GFPT2: variants seen among roughly 807,000 people sequenced by gnomAD.
GFPT2 encodes the protein glutamine--fructose-6-phosphate aminotransferase [isomerizing] 2.
GFPT2 carries 62 observed loss-of-function variants against 85.6 expected under a neutral mutation model. That is an observed-to-expected ratio of 0.72 (90% CI 0.59 to 0.90). The LOEUF (loss-of-function observed/expected upper bound fraction) is 0.90, where lower values mean the gene tolerates loss of function less well. Ranked by LOEUF, GFPT2 falls within the 40% of genes least tolerant of loss-of-function variation. The probability of loss-of-function intolerance (pLI) is 0.00; values close to 1 mark genes in which losing one functional copy is unlikely to be tolerated. For synonymous variants in GFPT2, 368 were observed against 344.5 expected (o/e 1.07, Z -0.75); for missense variants, 788 against 893.4 (o/e 0.88, Z 1.50).
At chr5:180,336,919 C>T (rs530671744) in intron 2 of GFPT2, among the ~76,000 whole-genome samples, 2 of 152,262 alleles carry the variant, frequency 1.3e-5, no homozygotes, top group South Asian at 2.1e-4. Context: ...AAGGGCTCCT[C>T]GCATTGTGAT....
intron 12 of GFPT2, 56 bp from the exon 13 acceptor site, chr5:180,316,517 A>T (rs1764013450): frequency 6.2e-7 from 1 of 1,602,522 alleles, no homozygotes; most frequent in African/African-American, 1.3e-5. Flanking sequence ...CGACAGGGAC[A>T]TGGGGCAGCT....
Position 180,318,224 on chromosome 5 carries a change from C to T in GFPT2, c.958+569G>A, listed in dbSNP as rs1331815536. On this transcript the variant is annotated intron_variant, in intron 10 of 18. Coordinates refer to ENST00000253778, the MANE Select transcript of GFPT2 (RefSeq NM_005110.4). This position sits in a 1 kb window ranked among gnomAD's most constrained non-coding sequence, Gnocchi z 4.2. ...AGTGTGGTGGGGCCAGGCTTTGGCCCCACTGGGGTGTGGGGTTTGTGGGCT... is the reference window on the plus strand; with the variant it reads ...AGTGTGGTGGGGCCAGGCTTTGGCCTCACTGGGGTGTGGGGTTTGTGGGCT... 1.3e-5 allele frequency among the ~76,000 whole-genome samples: 2 copies of T among 151,954 alleles called. No individual in the cohort carries two copies. Among genetic ancestry groups the T allele is most frequent in the Non-Finnish European group, 2.9e-5 (2 of 67,982 alleles).
In GFPT2 at chr5:180,318,851, A is replaced by G. The variant is rs778489438; in HGVS notation, c.900T>C (p.Ser300=). 1.2e-6 allele frequency: 2 copies of G among 1,614,030 alleles called. No individual in the cohort carries two copies. The highest frequency in any genetic ancestry group is 4.5e-5 in the East Asian group (2 of 44,892). The change falls in exon 10 of 19, where the codon AGT becomes AGC. Residue 300 remains serine, a synonymous_variant. Transcript: ENST00000253778. This position sits in a 1 kb window ranked among gnomAD's most constrained non-coding sequence, Gnocchi z 4.2. ...LSIHRVKRSA[S]DDPSRAIQTL... ...TCTGGATGGCTCGAGATGGGTCATC[A>G]CTGGCCGAGCGCTTGACCCGGTGAA...
chr5:180,341,298 A>T (rs750884606), intron 1 of GFPT2, among the ~76,000 whole-genome samples: 1 of 152,244 alleles, frequency 6.6e-6, no homozygotes, highest in Non-Finnish European at 1.5e-5. Flanking sequence ...TGAACCTCAG[A>T]GAGGACAACC....
intron 4 of GFPT2, 44 bp from the exon 5 acceptor site, chr5:180,331,597 C>T (rs774470344): frequency 4.4e-5 from 49 of 1,121,578 alleles, no homozygotes; most frequent in Non-Finnish European, 6.3e-5. Flanking sequence ...GAAGGAGGTT[C>T]ATGTCAGATG....
intron 13 of GFPT2, among the ~76,000 whole-genome samples, chr5:180,314,902 C>T (rs1408390624): frequency 6.6e-6 from 1 of 152,222 alleles, no homozygotes; most frequent in Non-Finnish European, 1.5e-5. Context: ...AGCTCCACCT[C>T]TGTTCTTTTG....
Position 180,302,487 on chromosome 5 carries a change from C to T in GFPT2, c.1940G>A (p.Gly647Asp). The T allele has an allele frequency of 1.9e-6, 3 of 1,614,006 alleles. No individual in the cohort carries two copies. The highest frequency in any genetic ancestry group is 1.6e-4 in the Middle Eastern group (1 of 6,062). ...CTGCAGCGGAATCACGCTCAGGATG[C>T]CCTGGAGGCAGTCCACAGTGTGGGG... Reference protein sequence around the residue: ...ELPHTVDCLQGILSVIPLQLL... With the variant: ...ELPHTVDCLQDILSVIPLQLL... The change falls in exon 18 of 19, where the codon GGC becomes GAC. Residue 647 changes from glycine to aspartate, a missense_variant. Gly to Asp is a moderately conservative substitution (Grantham distance 94). Transcript: ENST00000253778.
intron 17 of GFPT2, among the ~76,000 whole-genome samples, chr5:180,302,965 C>T (rs188353339): frequency 6.6e-6 from 1 of 152,086 alleles, no homozygotes; most frequent in Admixed American, 6.6e-5. Flanking sequence ...CGTGGTGGCT[C>T]ACGCCTGTAA....
At chr5:180,305,190 G>A (rs777948336) in intron 16 of GFPT2, among the ~76,000 whole-genome samples, 6 of 152,070 alleles carry the variant, frequency 3.9e-5, no homozygotes, top group Admixed American at 6.6e-5. Flanking sequence ...CACCAGCCCC[G>A]GGCACTGCTG....
intron 7 of GFPT2, among the ~76,000 whole-genome samples, chr5:180,327,570 C>T (rs1036732535): frequency 6.6e-6 from 1 of 152,222 alleles, no homozygotes; most frequent in Non-Finnish European, 1.5e-5. Context: ...CTTCTCTGCC[C>T]TCCTGTACAA....
At chr5:180,310,458 T>A (rs1763857500) in intron 15 of GFPT2, among the ~76,000 whole-genome samples, 1 of 150,654 alleles carries the variant, frequency 6.6e-6, no homozygotes, top group Non-Finnish European at 1.5e-5. Flanking sequence ...TTGCCCAGGC[T>A]GGAGTGCAGT....
intron 2 of GFPT2, 113 bp from the exon 3 acceptor site, chr5:180,336,690 G>A (rs1459716967): frequency 3.9e-6 from 3 of 762,290 alleles, no homozygotes; most frequent in Middle Eastern, 2.3e-4. Context: ...TTTATGGCAG[G>A]TTGGAGAGCT....
At chr5:180,344,266 A>C (rs1206686894) in intron 1 of GFPT2, among the ~76,000 whole-genome samples, 1 of 152,230 alleles carries the variant, frequency 6.6e-6, no homozygotes, top group Non-Finnish European at 1.5e-5. Context: ...CACCACGCCC[A>C]GAGGGCAGTC....
At chr5:180,324,088 C>T (rs754998374) in intron 9 of GFPT2, 100 bp downstream of exon 9, 21 of 757,506 alleles carry the variant, frequency 2.8e-5, no homozygotes, top group Non-Finnish European at 4.4e-5. Context: ...TGCTGAGCCA[C>T]GATAGCTCAC....
At position 180,318,648 on chromosome 5, in the gene GFPT2, G is replaced by T; in HGVS notation, c.958+145C>A. 1 of 688,996 alleles carries T rather than the reference G, an allele frequency of 1.5e-6. No individual in the cohort carries two copies. The highest frequency in any genetic ancestry group is 2.5e-6 in the Non-Finnish European group (1 of 404,062). 42.7% of individuals were successfully genotyped at this position (688,996 alleles called of 1,614,324 possible). A position where few individuals can be genotyped will look rare whatever the true frequency, so the allele number is the denominator to read the frequency against. ...TCCCCACATCCCCTCACCTGTGCAAGCCACAGGCTACCTGCAGCCCCGCCC... is the reference window on the plus strand; with the variant it reads ...TCCCCACATCCCCTCACCTGTGCAATCCACAGGCTACCTGCAGCCCCGCCC... On this transcript the variant is annotated intron_variant, in intron 10 of 18. Transcript: ENST00000253778. This position sits in a 1 kb window ranked among gnomAD's most constrained non-coding sequence, Gnocchi z 4.2.
rs916618381 is a variant in GFPT2, at chr5:180,328,573, C to G, written c.535-235G>C. On this transcript the variant is annotated intron_variant, in intron 6 of 18. Coordinates refer to ENST00000253778, the MANE Select transcript of GFPT2 (RefSeq NM_005110.4). This position sits in a 1 kb window ranked among gnomAD's most constrained non-coding sequence, Gnocchi z 5.4. ...TGTGAATTCCACGGTGAGCGATGTGCGGCTTGCCCAGGCCCACAGGGAGCC... is the reference window on the plus strand; with the variant it reads ...TGTGAATTCCACGGTGAGCGATGTGGGGCTTGCCCAGGCCCACAGGGAGCC... 6.6e-6 allele frequency among the ~76,000 whole-genome samples: 1 copy of G among 152,226 alleles called. No individual in the cohort carries two copies. Among genetic ancestry groups the G allele is most frequent in the Non-Finnish European group, 1.5e-5 (1 of 68,042 alleles).
intron 4 of GFPT2, among the ~76,000 whole-genome samples, chr5:180,332,557 A>C (rs534331914): frequency 1.2e-4 from 19 of 152,170 alleles, no homozygotes; most frequent in African/African-American, 4.6e-4. Flanking sequence ...TATTATTTTG[A>C]GACAGAATCT....
rs754184207 is a variant in GFPT2, at chr5:180,335,874, G to A, written c.294C>T (p.Val98=). 3 of 1,588,042 alleles carry A rather than the reference G, an allele frequency of 1.9e-6. No homozygotes were observed. Among genetic ancestry groups the A allele is most frequent in the South Asian group, 2.3e-5 (2 of 87,310 alleles). ...GAGGGTGGCTGTTGACAGCACTGGGGACCCCGTGGGTGGCCCAGCGCGTGT... is the reference window on the plus strand; with the variant it reads ...GAGGGTGGCTGTTGACAGCACTGGGAACCCCGTGGGTGGCCCAGCGCGTGT... ...IAHTRWATHG[V]PSAVNSHPQR... is the part of the protein sequence containing the mutation. The change falls in exon 4 of 19, where the codon GTC becomes GTT. Residue 98 remains valine, a synonymous_variant. Coordinates refer to ENST00000253778, the MANE Select transcript of GFPT2 (RefSeq NM_005110.4).
chr5:180,318,980 A>G lies in GFPT2; in HGVS notation c.795-24T>C, dbSNP rs1026368649. 1 of 1,608,394 alleles carries G rather than the reference A, an allele frequency of 6.2e-7. No individual in the cohort carries two copies. The highest frequency in any genetic ancestry group is 8.5e-7 in the Non-Finnish European group (1 of 1,178,856). On this transcript the variant is annotated intron_variant, in intron 9 of 18. Coordinates refer to ENST00000253778, the MANE Select transcript of GFPT2 (RefSeq NM_005110.4). The surrounding 1 kb of genome is among the most constrained non-coding windows in gnomAD (Gnocchi z 4.2). ...CGCTGGGGCAAGGGAAACAGGCATC[A>G]TCAGTGCCCTGCCCTGAGCAGTTAC... is the stretch of plus-strand genomic sequence containing the variant.
Sources: gnomAD v4.1 joint callset for allele counts (sites outside exome capture counted in the v4.1 genomes callset) on GRCh38, gnomAD v4.1.1 for gene constraint, Gnocchi (gnomAD v3.1) non-coding constraint, MANE v1.5 for transcripts, NCBI Gene and HGNC (gene_info 2026-07-23, HGNC 2026-07-21) for gene names.